Variants in RAB27B observed in about 807,000 individuals in gnomAD.
RAB27B encodes ras-related protein Rab-27B.
Under a neutral mutation model 24.6 loss-of-function variants are expected in RAB27B, and 15 were observed. The ratio of observed to expected loss-of-function variants is 0.61; its 90% CI spans 0.41 to 0.94. RAB27B has a LOEUF of 0.94. Among genes scored for constraint, RAB27B ranks in the 40% least tolerant of loss-of-function variants. The pLI is 0.00. For synonymous variants in RAB27B, 105 were observed against 92.5 expected, an observed-to-expected ratio of 1.14 and a Z score of -0.78; for missense variants, 261 against 266.8, an observed-to-expected ratio of 0.98 and a Z score of 0.15.
upstream of RAB27B, among the ~76,000 whole-genome samples, chr18:54,827,065 C>A (rs1234428871): frequency 6.6e-6 from 1 of 152,158 alleles, no homozygotes; most frequent in Non-Finnish European, 1.5e-5. Context: ...TGTCTGGGCC[C>A]ATGGACACAC....
chr18:54,836,153 G>A (rs1910885233), intron 1 of RAB27B, among the ~76,000 whole-genome samples: 1 of 151,956 alleles, frequency 6.6e-6, no homozygotes, highest in South Asian at 2.1e-4. Context: ...TGTTTCCTGT[G>A]CAAGCTCTGA....
At chr18:54,858,536 A>G (rs548642266) in intron 1 of RAB27B, among the ~76,000 whole-genome samples, 1 of 151,696 alleles carries the variant, frequency 6.6e-6, no homozygotes, top group East Asian at 1.9e-4. Context: ...GGTGCCTGCC[A>G]GTACGCCCGG....
intron 1 of RAB27B, among the ~76,000 whole-genome samples, chr18:54,852,387 G>T (rs928321016): frequency 1.3e-5 from 2 of 152,130 alleles, no homozygotes; most frequent in African/African-American, 4.8e-5. Flanking sequence ...TCTTAGTAAG[G>T]ATACTTCTCA....
At chr18:54,864,050 T>C (rs1310805108) in intron 1 of RAB27B, among the ~76,000 whole-genome samples, 10 of 152,230 alleles carry the variant, frequency 6.6e-5, no homozygotes, top group Non-Finnish European at 1.5e-4. Context: ...TATTGGATCA[T>C]GCATTAAATC....
chr18:54,879,331 C>T (rs752769460), intron 2 of RAB27B, 38 bp from the exon 3 acceptor site: 1 of 1,529,162 alleles, frequency 6.5e-7, no homozygotes, highest in East Asian at 2.3e-5. Flanking sequence ...CTGACAAAAT[C>T]CAAAGCAACC....
chr18:54,727,125 C>T (rs1909563989), intron 2 of RAB27B, among the ~76,000 whole-genome samples: 1 of 152,166 alleles, frequency 6.6e-6, no homozygotes, highest in Non-Finnish European at 1.5e-5. Flanking sequence ...AGGCATGTGC[C>T]ACTATGCCCG....
At chr18:54,806,164 T>G (rs1909784881) in intron 2 of RAB27B, among the ~76,000 whole-genome samples, 1 of 152,290 alleles carries the variant, frequency 6.6e-6, no homozygotes, top group Middle Eastern at 3.4e-3. Context: ...CTGTGCTCTG[T>G]GGAGAGTCAC....
At chr18:54,837,567 T>C (rs1351311810) in intron 1 of RAB27B, among the ~76,000 whole-genome samples, 2 of 151,996 alleles carry the variant, frequency 1.3e-5, no homozygotes, top group East Asian at 1.9e-4. Flanking sequence ...CTGGTGATAA[T>C]GACTGGGAAA....
upstream of RAB27B, among the ~76,000 whole-genome samples, chr18:54,827,454 G>A (rs906647050): frequency 1.3e-5 from 2 of 152,128 alleles, no homozygotes; most frequent in Non-Finnish European, 2.9e-5. Flanking sequence ...AGATTTCTAT[G>A]AGACCAAAAT....
At chr18:54,774,984 G>T (rs949589128) in intron 2 of RAB27B, among the ~76,000 whole-genome samples, 1 of 152,158 alleles carries the variant, frequency 6.6e-6, no homozygotes, top group Non-Finnish European at 1.5e-5. Context: ...CTCAGTGGAT[G>T]AATGAATAAA....
At chr18:54,755,948 A>G (rs1177345984) in intron 2 of RAB27B, among the ~76,000 whole-genome samples, 3 of 152,226 alleles carry the variant, frequency 2.0e-5, no homozygotes, top group African/African-American at 7.2e-5. Flanking sequence ...TTTGAAATAA[A>G]GAAACAACCA....
chr18:54,809,709 T>C (rs1819882), intron 2 of RAB27B, among the ~76,000 whole-genome samples: 145,077 of 152,260 alleles, frequency 0.95, 69,548 homozygotes, highest in East Asian at 1. Flanking sequence ...AAATTACCCA[T>C]TTAATACAAT....
intron 2 of RAB27B, among the ~76,000 whole-genome samples, chr18:54,810,541 A>G: frequency 6.6e-6 from 1 of 152,086 alleles, no homozygotes; most frequent in Non-Finnish European, 1.5e-5. Context: ...TGAATTAAAA[A>G]AAATCAGGCT....
chr18:54,780,664 G>T (rs1318552903), intron 2 of RAB27B, among the ~76,000 whole-genome samples: 1 of 152,122 alleles, frequency 6.6e-6, no homozygotes, highest in Non-Finnish European at 1.5e-5. Flanking sequence ...CCTCTTTAAA[G>T]GTCCTGTCTC....
intron 2 of RAB27B, among the ~76,000 whole-genome samples, chr18:54,749,675 C>G (rs1178936903): frequency 6.6e-6 from 1 of 152,054 alleles, no homozygotes; most frequent in Admixed American, 6.6e-5. Flanking sequence ...TTTTTAAAAG[C>G]TACTGAGTGG....
chr18:54,850,333 G>GACATATATATATATAT lies in RAB27B; in HGVS notation c.-20+21634_-20+21635insCATATATATATATATA, dbSNP rs869079784. Reference sequence around the variant, plus strand: ...TATTTATTTAAAAGCAAACAAACAGGATATATATATATATATATATATATA... The same window carrying GACATATATATATATAT: ...TATTTATTTAAAAGCAAACAAACAGGACATATATATATATATATATATATATATATATATATATATA... On this transcript the variant is annotated intron_variant, in intron 1 of 5. Coordinates refer to ENST00000262094, the MANE Select transcript of RAB27B (RefSeq NM_004163.4). Among the ~76,000 whole-genome samples the GACATATATATATATAT allele has an allele frequency of 6.8e-3, 650 of 95,070 alleles. 36 individuals are homozygous for GACATATATATATATAT. The highest frequency in any genetic ancestry group is 0.012 in the African/African-American group (266 of 21,334). The allele number at this position is 95,070 out of a possible 152,430, so 62.4% of individuals were successfully genotyped here. A position where few individuals can be genotyped will look rare whatever the true frequency, so the allele number is the denominator to read the frequency against.
At chr18:54,761,767 T>G (rs940179230) in intron 2 of RAB27B, among the ~76,000 whole-genome samples, 7 of 152,242 alleles carry the variant, frequency 4.6e-5, no homozygotes, top group Non-Finnish European at 8.8e-5. Flanking sequence ...TACCAGACGA[T>G]GCCTCTGATG....
chr18:54,795,055 TATC>T (rs1167156707), intron 2 of RAB27B, among the ~76,000 whole-genome samples: 1 of 152,214 alleles, frequency 6.6e-6, no homozygotes, highest in Non-Finnish European at 1.5e-5. Flanking sequence ...CTTCCAAATT[TATC>T]ATCTTTATAC....
chr18:54,796,317 C>A (rs1487597720), intron 2 of RAB27B, among the ~76,000 whole-genome samples: 1 of 152,234 alleles, frequency 6.6e-6, no homozygotes, highest in Non-Finnish European at 1.5e-5. Context: ...CATCTGCAGA[C>A]AGCTTGTGCT....
Sources: allele counts gnomAD v4.1 joint callset (sites outside exome capture counted in the v4.1 genomes callset), GRCh38; gene constraint gnomAD v4.1.1; transcripts MANE v1.5; gene names NCBI Gene and HGNC (gene_info 2026-07-23, HGNC 2026-07-21).